DEFB113: variants seen among roughly 807,000 people sequenced by gnomAD.
DEFB113 encodes defensin beta 113, also known as beta-defensin 113.
DEFB113 carries 5 observed loss-of-function variants against 2.5 expected under a neutral mutation model. The ratio of observed to expected loss-of-function variants is 1.99; its 90% CI spans 1.04 to 4.18. The LOEUF (loss-of-function observed/expected upper bound fraction) is 4.18, where lower values mean the gene tolerates loss of function less well. Ranked by LOEUF, DEFB113 falls within the 30% of genes most tolerant of loss-of-function variation. The probability of loss-of-function intolerance (pLI) is 0.00; values close to 1 mark genes in which losing one functional copy is unlikely to be tolerated. For synonymous variants in DEFB113, 42 were observed against 31.6 expected (o/e 1.33, Z -1.11); for missense variants, 123 against 96.6 (o/e 1.27, Z -1.14).
In DEFB113 at chr6:49,968,748, G is replaced by A. The variant is rs776062433; in HGVS notation, c.178C>T (p.Pro60Ser). 1.3e-6 allele frequency: 2 copies of A among 1,589,152 alleles called. No homozygotes were observed. The highest frequency in any genetic ancestry group is 1.4e-5 in the African/African-American group (1 of 73,716). Residue 60 changes from proline (P) to serine (S), a missense_variant, in exon 2 of 2, where the codon CCC (proline) becomes TCC (serine). By Grantham distance (74) the Pro-to-Ser change is moderately conservative. Coordinates refer to ENST00000398718, the MANE Select transcript of DEFB113 (RefSeq NM_001037729.1). ...TGGTATTCCCATACCGCACAGCAGG[G>A]GTTAACATTGCAGTAATAATATACA... is the stretch of plus-strand genomic sequence containing the variant. ...EYVYYYCNVNPCCAVWEYQKP... is the reference protein window; with the variant it reads ...EYVYYYCNVNSCCAVWEYQKP...
At chr6:49,969,172 C>T (rs1213653653) in intron 1 of DEFB113, among the ~76,000 whole-genome samples, 1 of 150,998 alleles carries the variant, frequency 6.6e-6, no homozygotes, top group Non-Finnish European at 1.5e-5. Context: ...GTTCTGTGTT[C>T]TAAATAATCA....
intron 1 of DEFB113, among the ~76,000 whole-genome samples, chr6:49,969,320 T>G (rs1199353666): frequency 1.3e-5 from 2 of 151,110 alleles, no homozygotes; most frequent in African/African-American, 2.4e-5. Flanking sequence ...TCTAAAAAAT[T>G]ATAGTGTCAT....
chr6:49,969,186 AC>A (rs967859884), intron 1 of DEFB113, among the ~76,000 whole-genome samples: 2 of 150,924 alleles, frequency 1.3e-5, no homozygotes, highest in African/African-American at 2.4e-5. Flanking sequence ...ATAATCATCC[AC>A]CTCCAACCCC....
At chr6:49,969,545 T>A (rs375103927) in intron 1 of DEFB113, 23 bp downstream of exon 1, 11 of 1,559,140 alleles carry the variant, frequency 7.1e-6, no homozygotes, top group African/African-American at 1.4e-5. Context: ...CTTTCACATC[T>A]TTTTTATAAT....
intron 1 of DEFB113, 109 bp downstream of exon 1, chr6:49,969,459 T>C: frequency 1.3e-6 from 1 of 750,746 alleles, no homozygotes; most frequent in Non-Finnish European, 2.1e-6. Context: ...TTATAAGGAG[T>C]TCATATGAAA....
intron 1 of DEFB113, 55 bp from the exon 2 acceptor site, chr6:49,968,922 G>A: frequency 2.0e-6 from 3 of 1,479,966 alleles, no homozygotes; most frequent in Non-Finnish European, 2.7e-6. Context: ...TAGATACAGA[G>A]ATGAATAAAC....
In DEFB113 at chr6:49,969,492, T is replaced by C. The variant is rs541902837; in HGVS notation, c.58+76A>G. ...AAATCTCCTAACAATAATTTATTTG[T>C]TTTTATTATTTTCAGAGTAAAGCAT... On this transcript the variant is annotated intron_variant, in intron 1 of 1. Coordinates refer to ENST00000398718, the MANE Select transcript of DEFB113 (RefSeq NM_001037729.1). The C allele has an allele frequency of 4.3e-5, 46 of 1,078,204 alleles. No homozygotes were observed. In the Admixed American group the frequency reaches 5.6e-4, roughly 13 times the overall value. 66.8% of individuals were successfully genotyped at this position (1,078,204 alleles called of 1,614,324 possible).
intron 1 of DEFB113, 140 bp downstream of exon 1, chr6:49,969,428 G>GAA (rs1773597391): frequency 1.8e-6 from 1 of 545,964 alleles, no homozygotes; most frequent in Non-Finnish European, 3.1e-6. Context: ...CTTCCCCCAT[G>GAA]AAAAAATAGA....
intron 1 of DEFB113, 137 bp from the exon 2 acceptor site, chr6:49,969,004 T>A: frequency 6.9e-6 from 5 of 724,916 alleles, no homozygotes; most frequent in Non-Finnish European, 1.0e-5. Context: ...AATTTTTCCC[T>A]CTCTCAGCTG....
In DEFB113 at chr6:49,968,877, A is replaced by C. The variant is rs1374525034; in HGVS notation, c.59-10T>G. On this transcript the variant is annotated splice_polypyrimidine_tract_variant and intron_variant, in intron 1 of 1. Transcript: ENST00000398718. ...GTTTTTTTCTGTGGAACTAGGAAAA[A>C]GTAGCTATGACCATAAGTCCAGATT... The C allele has an allele frequency of 6.3e-7, 1 of 1,597,018 alleles. No individual in the cohort carries two copies. Among genetic ancestry groups the C allele is most frequent in the Non-Finnish European group, 8.5e-7 (1 of 1,172,308 alleles).
chr6:49,968,848 T>C lies in DEFB113; in HGVS notation c.78A>G (p.Arg26=). Residue 26 remains arginine, a synonymous_variant, in exon 2 of 2, where the codon AGA becomes AGG. Coordinates refer to ENST00000398718, the MANE Select transcript of DEFB113 (RefSeq NM_001037729.1). ...CGPSVPQKKT[R]EVAERKRECQ... ...ATTCTCTTTTTCTCTCTGCAACTTC[T>C]CTTGTTTTTTTCTGTGGAACTAGGA... The C allele has an allele frequency of 1.3e-5, 21 of 1,599,442 alleles. No individual in the cohort carries two copies. The highest frequency in any genetic ancestry group is 1.7e-5 in the Non-Finnish European group (20 of 1,173,298).
chr6:49,968,865 G>T lies in DEFB113; in HGVS notation c.61C>A (p.Pro21Thr). Residue 21 changes from proline to threonine, a missense_variant and splice_region_variant, in exon 2 of 2, where the codon CCA (proline) becomes ACA (threonine). Physicochemically the swap from Pro to Thr is conservative, Grantham distance 38. Transcript: ENST00000398718. ...VFTVSCGPSV[P>T]QKKTREVAER... The stretch of plus-strand genomic sequence containing the variant: ...GCAACTTCTCTTGTTTTTTTCTGTG[G>T]AACTAGGAAAAAGTAGCTATGACCA... 1 of 1,594,814 alleles carries T rather than the reference G, an allele frequency of 6.3e-7. No homozygotes were observed.
rs752895772 is a variant in DEFB113 at position 49,968,794 on chromosome 6, C to T, written c.132G>A (p.Pro44=). Residue 44 remains proline (P), a synonymous_variant, in exon 2 of 2, where the codon CCG becomes CCA. Coordinates refer to ENST00000398718, the MANE Select transcript of DEFB113 (RefSeq NM_001037729.1). ...ECQLVRGACK[P]ECNSWEYVYY... ...ATACATATTCCCAGCTGTTGCATTC[C>T]GGCTTGCAAGCACCACGAACAAGCT... 30 of 1,604,504 alleles carry T rather than the reference C, an allele frequency of 1.9e-5. No homozygotes were observed. The highest frequency in any genetic ancestry group is 4.5e-5 in the East Asian group (2 of 44,418).
chr6:49,968,723 T>TGGTA lies in DEFB113; in HGVS notation c.199_202dup (p.Gln68LeufsTer7). 6.5e-7 allele frequency: 1 copy of TGGTA among 1,533,640 alleles called. No individual in the cohort carries two copies. The highest frequency in any genetic ancestry group is 8.8e-7 in the Non-Finnish European group (1 of 1,136,404). ...AGTGATTTTGTTAATGATTGGCTTT[T>TGGTA]GGTATTCCCATACCGCACAGCAGGG... On this transcript the variant is annotated frameshift_variant, in exon 2 of 2. Transcript: ENST00000398718. LOFTEE classifies it low-confidence loss of function (END_TRUNC).
At chr6:49,969,479 A>G in intron 1 of DEFB113, 89 bp downstream of exon 1, 1 of 988,606 alleles carries the variant, frequency 1.0e-6, no homozygotes, top group African/African-American at 1.7e-5. Flanking sequence ...ATCTCCTAAC[A>G]ATAATTTATT....
chr6:49,969,204 C>T (rs570100292), intron 1 of DEFB113, among the ~76,000 whole-genome samples: 1 of 151,240 alleles, frequency 6.6e-6, no homozygotes, highest in South Asian at 2.1e-4. Flanking sequence ...CCCCTTTTCT[C>T]TCTACCCCTA....
chr6:49,969,613 A>C lies in DEFB113; in HGVS notation c.13T>G (p.Cys5Gly), dbSNP rs756702842. The change falls in exon 1 of 2, where the codon TGT becomes GGT. Residue 5 changes from cysteine to glycine, a missense_variant. Physicochemically the swap from Cys to Gly is radical, Grantham distance 159. Coordinates refer to ENST00000398718, the MANE Select transcript of DEFB113 (RefSeq NM_001037729.1). ...GTGAAGACAAAGGTCAGAAAAATAC[A>C]AAGTATCTTCATTGCTGATGCAGTT... MKILCIFLTFVFTVS... is the reference protein window; with the variant it reads MKILGIFLTFVFTVS... 1.2e-6 allele frequency: 2 copies of C among 1,606,452 alleles called. No homozygotes were observed. The highest frequency in any genetic ancestry group is 8.5e-7 in the Non-Finnish European group (1 of 1,174,778).
rs748731235 is a variant in DEFB113, at chr6:49,969,529, T to C, written c.58+39A>G. On this transcript the variant is annotated intron_variant, in intron 1 of 1. Transcript: ENST00000398718. Reference sequence around the variant, plus strand: ...TCAGAGTAAAGCATTTATAAGAACATTTTGCCTTTCACATCTTTTTTATAA... The same window carrying C: ...TCAGAGTAAAGCATTTATAAGAACACTTTGCCTTTCACATCTTTTTTATAA... 7.8e-6 allele frequency: 11 copies of C among 1,402,172 alleles called. No individual in the cohort carries two copies. The South Asian group carries it at 1.1e-4, about 14-fold the overall frequency. 86.9% of individuals were successfully genotyped at this position (1,402,172 alleles called of 1,614,324 possible).
Position 49,969,321 on chromosome 6 carries a change from A to G in DEFB113, c.58+247T>C, listed in dbSNP as rs79819816. Among the ~76,000 whole-genome samples, 1,265 of 151,300 alleles carry G rather than the reference A, an allele frequency of 8.4e-3. 26 individuals carry two copies. Among genetic ancestry groups the G allele is most frequent in the African/African-American group, 0.028 (1,165 of 41,426 alleles). ...GGCAGTGGGAAGTATCTAAAAAATTATAGTGTCATCACACAAAACAACACA... is the reference window on the plus strand; with the variant it reads ...GGCAGTGGGAAGTATCTAAAAAATTGTAGTGTCATCACACAAAACAACACA... On this transcript the variant is annotated intron_variant, in intron 1 of 1. Coordinates refer to ENST00000398718, the MANE Select transcript of DEFB113 (RefSeq NM_001037729.1).
Sources: allele counts gnomAD v4.1 joint callset (sites outside exome capture counted in the v4.1 genomes callset), GRCh38; gene constraint gnomAD v4.1.1; transcripts MANE v1.5; gene names NCBI Gene and HGNC (gene_info 2026-07-23, HGNC 2026-07-21).